ETNK1: variants seen among roughly 807,000 people sequenced by gnomAD.
ETNK1 encodes the protein ethanolamine kinase 1.
In ETNK1, 8 loss-of-function variants were observed where a neutral mutation model predicts 45.1. The ratio of observed to expected loss-of-function variants is 0.18; its 90% confidence interval spans 0.10 to 0.32. The LOEUF is 0.32. Ranked by LOEUF, ETNK1 falls within the 10% of genes least tolerant of loss-of-function variation. ETNK1 has a pLI of 1.00. For missense variants in ETNK1, 302 were observed against 430.6 expected (o/e 0.70, Z 2.64); for synonymous variants, 152 against 151.9 (o/e 1.00, Z -0.01).
chr12:22,651,306 C>T (rs1953871741), intron 2 of ETNK1, among the ~76,000 whole-genome samples: 1 of 152,200 alleles, frequency 6.6e-6, no homozygotes, highest in Non-Finnish European at 1.5e-5. Flanking sequence ...TTACTAGACA[C>T]ATGGTGACAA....
At chr12:22,653,742 A>C (rs142443340) in intron 2 of ETNK1, among the ~76,000 whole-genome samples, 1 of 152,138 alleles carries the variant, frequency 6.6e-6, no homozygotes, top group Non-Finnish European at 1.5e-5. Context: ...AAAAACTGTA[A>C]ATTTTCTTAA....
intron 5 of ETNK1, 47 bp downstream of exon 5, chr12:22,671,402 G>A (rs375246571): frequency 7.6e-6 from 9 of 1,180,558 alleles, no homozygotes; most frequent in East Asian, 2.3e-5. Flanking sequence ...GATATTTTCA[G>A]AATATTTCAT....
chr12:22,640,221 A>G (rs1007449317), intron 1 of ETNK1, among the ~76,000 whole-genome samples: 2 of 152,138 alleles, frequency 1.3e-5, no homozygotes, highest in African/African-American at 4.8e-5. Context: ...AAAAGCTGTT[A>G]ATATTTAAAC....
intron 2 of ETNK1, among the ~76,000 whole-genome samples, chr12:22,653,163 T>C (rs1953899174): frequency 6.6e-6 from 1 of 152,168 alleles, no homozygotes; most frequent in Admixed American, 6.6e-5. Flanking sequence ...TGAATACTGT[T>C]TGTATAATTG....
At chr12:22,679,702 G>GT (rs71444173) in intron 6 of ETNK1, among the ~76,000 whole-genome samples, 8,354 of 128,462 alleles carry the variant, frequency 0.065, 292 homozygotes, top group Middle Eastern at 0.086. Flanking sequence ...TTGGTTTTTT[G>GT]TTTTTTTTTT....
chr12:22,646,877 A>C (rs1953814625), intron 2 of ETNK1, among the ~76,000 whole-genome samples: 1 of 151,868 alleles, frequency 6.6e-6, no homozygotes, highest in Non-Finnish European at 1.5e-5. Context: ...CCTTGAGGGA[A>C]AAATAACCTA....
At chr12:22,636,682 A>G (rs2137524087) in intron 1 of ETNK1, among the ~76,000 whole-genome samples, 1 of 152,320 alleles carries the variant, frequency 6.6e-6, no homozygotes, top group South Asian at 2.1e-4. Flanking sequence ...TAAGAGAAAA[A>G]AAAGATGGTT....
chr12:22,638,734 T>C (rs1046055084), intron 1 of ETNK1: 1 of 152,220 alleles, frequency 6.6e-6, no homozygotes, highest in Non-Finnish European at 1.5e-5. Context: ...TGATTAGTTG[T>C]ATCATGCAAG....
intron 2 of ETNK1, among the ~76,000 whole-genome samples, chr12:22,652,241 T>G (rs2137545629): frequency 6.6e-6 from 1 of 152,322 alleles, no homozygotes; most frequent in South Asian, 2.1e-4. Context: ...TATACTACGT[T>G]TTGTTTATTC....
intron 4 of ETNK1, among the ~76,000 whole-genome samples, chr12:22,669,972 A>T (rs768815961): frequency 2.6e-5 from 4 of 152,052 alleles, no homozygotes; most frequent in Non-Finnish European, 5.9e-5. Flanking sequence ...GATGTGACTT[A>T]TTTAAATAAG....
intron 1 of ETNK1, chr12:22,626,115 G>C (rs1261769558): frequency 6.1e-6 from 2 of 326,504 alleles, no homozygotes; most frequent in Non-Finnish European, 1.2e-5. Flanking sequence ...TCGCTAGGTC[G>C]GTTCTTAGGC....
chr12:22,659,912 T>C (rs1953982164), intron 3 of ETNK1, among the ~76,000 whole-genome samples: 1 of 151,990 alleles, frequency 6.6e-6, no homozygotes, highest in Non-Finnish European at 1.5e-5. Context: ...ATAATACAAC[T>C]AGAACATAAA....
At chr12:22,657,050 T>G (rs1473737742) in intron 2 of ETNK1, among the ~76,000 whole-genome samples, 3 of 152,142 alleles carry the variant, frequency 2.0e-5, no homozygotes, top group Non-Finnish European at 4.4e-5. Context: ...TGCACTTTCC[T>G]TTGTTTTGAT....
chr12:22,650,124 A>G (rs929365807), intron 2 of ETNK1, among the ~76,000 whole-genome samples: 2 of 151,996 alleles, frequency 1.3e-5, no homozygotes, highest in South Asian at 2.1e-4. Flanking sequence ...TAGGAAAGCA[A>G]TTGACTTTCA....
chr12:22,664,959 A>G (rs538136574), intron 4 of ETNK1, among the ~76,000 whole-genome samples: 169 of 152,244 alleles, frequency 1.1e-3, no homozygotes, highest in African/African-American at 4.0e-3. Flanking sequence ...ATTTTAGGCA[A>G]ACTTCTTAAA....
intron 4 of ETNK1, among the ~76,000 whole-genome samples, chr12:22,665,662 A>C (rs1954046752): frequency 1.3e-5 from 2 of 152,176 alleles, no homozygotes; most frequent in Non-Finnish European, 2.9e-5. Flanking sequence ...AGCTGTGTTC[A>C]AATAAAACTT....
intron 7 of ETNK1, 33 bp from the exon 8 acceptor site, chr12:22,684,849 A>T (rs1356044268): frequency 6.5e-7 from 1 of 1,550,000 alleles, no homozygotes; most frequent in Non-Finnish European, 8.8e-7. Context: ...TTCAGCTTTG[A>T]CTAATTTTTT....
intron 1 of ETNK1, among the ~76,000 whole-genome samples, chr12:22,639,200 TTTTTTAA>T (rs1477054688): frequency 9.2e-5 from 14 of 152,124 alleles, no homozygotes; most frequent in African/African-American, 3.4e-4. Context: ...CTTTGTGGTG[TTTTTTAA>T]TTTTTAATTA....
Position 22,685,059 on chromosome 12 carries a change from T to G in ETNK1, c.*105T>G. The G allele has an allele frequency of 1.4e-6, 1 of 738,308 alleles. No individual in the cohort carries two copies. The highest frequency in any genetic ancestry group is 2.2e-6 in the Non-Finnish European group (1 of 462,352). The allele number at this position is 738,308 out of a possible 1,614,324, so 45.7% of individuals were successfully genotyped here. On this transcript the variant is annotated 3_prime_UTR_variant, in exon 8 of 8. Coordinates refer to ENST00000266517, the MANE Select transcript of ETNK1 (RefSeq NM_018638.5). ...GTTAAAATTCTGTTGTTTAATTTGG[T>G]TATCTTGCTTTATAAATTATGCCTC...
Sources: allele counts gnomAD v4.1 joint callset (sites outside exome capture counted in the v4.1 genomes callset), GRCh38; gene constraint gnomAD v4.1.1; transcripts MANE v1.5; gene names NCBI Gene and HGNC (gene_info 2026-07-23, HGNC 2026-07-21).